Variants in SND1 observed in about 807,000 individuals in gnomAD.
SND1 encodes staphylococcal nuclease and tudor domain containing 1, also known as staphylococcal nuclease domain-containing protein 1.
SND1 carries 38 observed loss-of-function variants against 121.7 expected under a neutral mutation model. That is an observed-to-expected ratio of 0.31 (90% CI 0.24 to 0.41). The LOEUF (loss-of-function observed/expected upper bound fraction) is 0.41. Among genes scored for constraint, SND1 ranks in the 10% least tolerant of loss-of-function variants. SND1 has a pLI of 1.00. For synonymous variants in SND1, 401 were observed against 447.4 expected, an observed-to-expected ratio of 0.90 and a Z score of 1.31; for missense variants, 868 against 1,184.6, an observed-to-expected ratio of 0.73 and a Z score of 3.92.
intron 16 of SND1, among the ~76,000 whole-genome samples, chr7:128,054,161 G>C (rs1793097258): frequency 6.6e-6 from 1 of 152,176 alleles, no homozygotes. Flanking sequence ...ATGTACACAG[G>C]CTTACTTATG....
intron 1 of SND1, among the ~76,000 whole-genome samples, chr7:127,660,551 G>A (rs1465121014): frequency 6.6e-6 from 1 of 152,160 alleles, no homozygotes; most frequent in Non-Finnish European, 1.5e-5. Flanking sequence ...TGGACTAGAA[G>A]TGTTTCAGTT....
At chr7:127,716,337 G>T (rs1013575094) in intron 9 of SND1, among the ~76,000 whole-genome samples, 1 of 152,282 alleles carries the variant, frequency 6.6e-6, no homozygotes, top group East Asian at 1.9e-4. Flanking sequence ...TCCAGTCCAT[G>T]ATCATGGGAC....
At chr7:127,893,531 C>A (rs997854240) in intron 13 of SND1, among the ~76,000 whole-genome samples, 1 of 152,018 alleles carries the variant, frequency 6.6e-6, no homozygotes, top group Non-Finnish European at 1.5e-5. Flanking sequence ...ATTTCAAGAT[C>A]GGATGTATAT....
At chr7:127,769,191 A>G (rs1259734767) in intron 10 of SND1, among the ~76,000 whole-genome samples, 1 of 152,042 alleles carries the variant, frequency 6.6e-6, no homozygotes, top group African/African-American at 2.4e-5. Context: ...TAGAATTAAG[A>G]GTGGTCAAGA....
intron 12 of SND1, among the ~76,000 whole-genome samples, chr7:127,880,654 AT>A (rs1419613768): frequency 6.6e-6 from 1 of 152,150 alleles, no homozygotes; most frequent in Non-Finnish European, 1.5e-5. Flanking sequence ...AAAGAGCTAG[AT>A]AAAGATCTAA....
intron 10 of SND1, among the ~76,000 whole-genome samples, chr7:127,789,241 G>GT (rs1214900401): frequency 6.6e-6 from 1 of 152,180 alleles, no homozygotes; most frequent in African/African-American, 2.4e-5. Context: ...AACAGCCTGT[G>GT]ATGATTCACT....
chr7:127,677,169 G>A (rs1056979918), intron 1 of SND1, among the ~76,000 whole-genome samples: 2 of 152,154 alleles, frequency 1.3e-5, no homozygotes, highest in African/African-American at 4.8e-5. Flanking sequence ...TATTTATTGT[G>A]TCCTTGTGCT....
intron 14 of SND1, among the ~76,000 whole-genome samples, chr7:127,915,538 T>G (rs958867866): frequency 6.6e-5 from 10 of 152,240 alleles, no homozygotes; most frequent in African/African-American, 2.2e-4. Flanking sequence ...ACAATAAGTA[T>G]TTATCAAGAG....
chr7:128,032,179 C>T (rs1313987315), intron 16 of SND1: 2 of 151,954 alleles, frequency 1.3e-5, no homozygotes, highest in Admixed American at 6.6e-5. Context: ...GCCGCTCCCC[C>T]TCCGTCGCCT....
intron 12 of SND1, among the ~76,000 whole-genome samples, chr7:127,864,505 A>G (rs1799432938): frequency 6.6e-6 from 1 of 151,910 alleles, no homozygotes; most frequent in Non-Finnish European, 1.5e-5. Context: ...GTTCAATGCT[A>G]CCTAAGTCTT....
rs180854530 is a variant in SND1, at chr7:128,090,747, C to T, written c.2622+1055C>T. ...CCCACATAATGTGTCGGTGGCTGTG[C>T]AGGCTGACGACTCACTGGAACAAGA... On this transcript the variant is annotated intron_variant, in intron 22 of 23. Transcript: ENST00000354725. Among the ~76,000 whole-genome samples the T allele has an allele frequency of 4.4e-3, 666 of 152,298 alleles. 2 individuals are homozygous for T. The highest frequency in any genetic ancestry group is 9.6e-3 in the Admixed American group (147 of 15,302).
chr7:127,723,221 C>T (rs1281433283), intron 10 of SND1, among the ~76,000 whole-genome samples: 3 of 152,110 alleles, frequency 2.0e-5, no homozygotes, highest in East Asian at 1.9e-4. Context: ...TATTTTTAGT[C>T]CCAGTATCCT....
intron 16 of SND1, among the ~76,000 whole-genome samples, chr7:128,017,112 C>G (rs894411686): frequency 2.0e-5 from 3 of 152,220 alleles, no homozygotes; most frequent in African/African-American, 7.2e-5. Flanking sequence ...ATCCCTGAAG[C>G]TGCTCAGCAC....
chr7:128,057,556 G>A (rs1793163083), intron 16 of SND1, among the ~76,000 whole-genome samples: 1 of 152,104 alleles, frequency 6.6e-6, no homozygotes, highest in African/African-American at 2.4e-5. Context: ...AGGGTCCAAG[G>A]TGTCTACAGA....
chr7:127,888,502 A>G (rs1489071980), intron 13 of SND1, among the ~76,000 whole-genome samples: 2 of 152,176 alleles, frequency 1.3e-5, no homozygotes, highest in African/African-American at 4.8e-5. Flanking sequence ...GACAGCTGGC[A>G]GGAGACCATT....
At chr7:127,763,096 G>T (rs1160802994) in intron 10 of SND1, among the ~76,000 whole-genome samples, 1 of 152,146 alleles carries the variant, frequency 6.6e-6, no homozygotes, top group Non-Finnish European at 1.5e-5. Context: ...GCACATTCAG[G>T]TGACAAAACT....
intron 15 of SND1, among the ~76,000 whole-genome samples, chr7:127,963,148 G>A (rs1182788785): frequency 3.3e-5 from 5 of 152,138 alleles, no homozygotes; most frequent in African/African-American, 1.2e-4. Flanking sequence ...TAAGCTGTGT[G>A]AAAATGCAAA....
chr7:127,902,562 A>G (rs1183518856), intron 13 of SND1, among the ~76,000 whole-genome samples: 3 of 152,220 alleles, frequency 2.0e-5, no homozygotes, highest in Admixed American at 6.5e-5. Flanking sequence ...GCTTCTAGCC[A>G]CCAACCTCTA....
At chr7:128,080,647 G>C (rs577582755) in intron 17 of SND1, among the ~76,000 whole-genome samples, 2 of 152,162 alleles carry the variant, frequency 1.3e-5, no homozygotes, top group African/African-American at 4.8e-5. Flanking sequence ...AGAGGTGCGG[G>C]TGTGAGGAGC....
Sources: gnomAD v4.1 joint callset for allele counts (sites outside exome capture counted in the v4.1 genomes callset) on GRCh38, gnomAD v4.1.1 for gene constraint, MANE v1.5 for transcripts, NCBI Gene and HGNC (gene_info 2026-07-23, HGNC 2026-07-21) for gene names.